APBB2: variants seen among roughly 807,000 people sequenced by gnomAD.
The protein encoded by APBB2 is Fe65-like 1.
A neutral mutation model predicts 82.5 loss-of-function variants in APBB2; 38 were observed. That is an observed-to-expected ratio of 0.46 (90% CI 0.36 to 0.60). APBB2 has a LOEUF of 0.60. Ranked by LOEUF, APBB2 falls within the 20% of genes least tolerant of loss-of-function variation. The pLI is 0.00. For synonymous variants in APBB2, 341 were observed against 368.2 expected (o/e 0.93, Z 0.85); for missense variants, 772 against 972.3 (o/e 0.79, Z 2.74).
intron 6 of APBB2, among the ~76,000 whole-genome samples, chr4:40,966,638 A>C (rs1041609657): frequency 6.6e-6 from 1 of 152,300 alleles, no homozygotes; most frequent in Middle Eastern, 3.4e-3. Flanking sequence ...GAGCCTGGGC[A>C]CTGTCACAAC....
At chr4:41,125,469 G>A (rs979411265) in intron 2 of APBB2, among the ~76,000 whole-genome samples, 1 of 152,036 alleles carries the variant, frequency 6.6e-6, no homozygotes, top group East Asian at 1.9e-4. Context: ...CAATCAAGAA[G>A]GAATTCAAGA....
intron 1 of APBB2, among the ~76,000 whole-genome samples, chr4:41,212,306 A>C (rs1333946307): frequency 2.6e-5 from 4 of 152,164 alleles, no homozygotes; most frequent in Non-Finnish European, 5.9e-5. Flanking sequence ...ACTCCAGCTA[A>C]GTGTAAACAC....
intron 3 of APBB2, among the ~76,000 whole-genome samples, chr4:41,077,819 C>T (rs1235463182): frequency 1.3e-5 from 2 of 152,130 alleles, no homozygotes; most frequent in African/African-American, 4.8e-5. Flanking sequence ...TTGCTAAGGA[C>T]AAATTCCAGG....
At chr4:41,039,819 G>C (rs1720640443) in intron 4 of APBB2, among the ~76,000 whole-genome samples, 1 of 141,672 alleles carries the variant, frequency 7.1e-6, no homozygotes, top group African/African-American at 2.7e-5. Context: ...GTGAAACAAG[G>C]TGTGAGACCT....
At chr4:41,141,279 C>T (rs2154020337) in intron 2 of APBB2, among the ~76,000 whole-genome samples, 1 of 152,132 alleles carries the variant, frequency 6.6e-6, no homozygotes, top group South Asian at 2.1e-4. Flanking sequence ...TGGGTTTAGG[C>T]ACTGCTGAAT....
intron 2 of APBB2, among the ~76,000 whole-genome samples, chr4:41,117,291 TATTA>T (rs1454669672): frequency 7.5e-6 from 1 of 133,274 alleles, no homozygotes; most frequent in Non-Finnish European, 1.6e-5. Flanking sequence ...TTATTATTAT[TATTA>T]TTTTTTTTTT....
chr4:41,081,429 T>C (rs1435141700), intron 3 of APBB2, among the ~76,000 whole-genome samples: 1 of 152,256 alleles, frequency 6.6e-6, no homozygotes, highest in African/African-American at 2.4e-5. Context: ...AAAAGCTGTT[T>C]CCAGAATACC....
intron 1 of APBB2, chr4:41,193,372 T>C (rs1281226243): frequency 6.5e-6 from 1 of 153,970 alleles, no homozygotes; most frequent in African/African-American, 2.4e-5. Flanking sequence ...AAGGAGGCAA[T>C]TACTATTTTC....
At position 41,014,265 on chromosome 4, in the gene APBB2, A is replaced by G. The variant is rs1196517059; in HGVS notation, c.153T>C (p.Ala51=). The G allele has an allele frequency of 6.2e-7, 1 of 1,614,064 alleles. No homozygotes were observed. Among genetic ancestry groups the G allele is most frequent in the Admixed American group, 1.7e-5 (1 of 60,016 alleles). ...TCTTGGTTTCTGTGTGTTTTATTTC[A>G]GCGTTCAACAGTTCATTGTGGGAGG... ...LRSSHNELLN[A]EIKHTETKNS... The change falls in exon 6 of 18, where the codon GCT becomes GCC. Residue 51 remains alanine (A), a synonymous_variant. Coordinates refer to ENST00000508593, the MANE Select transcript of APBB2 (RefSeq NM_004307.2).
At chr4:41,044,443 C>G (rs1469259299) in intron 4 of APBB2, among the ~76,000 whole-genome samples, 1 of 152,166 alleles carries the variant, frequency 6.6e-6, no homozygotes, top group Non-Finnish European at 1.5e-5. Context: ...TATTTATTAT[C>G]TTGAGATGTC....
At chr4:40,863,913 A>AAAAAAAAAAC (rs1440352855) in intron 12 of APBB2, among the ~76,000 whole-genome samples, 2 of 150,214 alleles carry the variant, frequency 1.3e-5, no homozygotes, top group Non-Finnish European at 3.0e-5. Flanking sequence ...AAAAAAAAAA[A>AAAAAAAAAAC]AAAGCAAGCC....
chr4:41,128,066 C>T lies in APBB2; in HGVS notation c.-261+14921G>A, dbSNP rs147303216. Among the ~76,000 whole-genome samples, 190 of 149,576 alleles carry T rather than the reference C, an allele frequency of 1.3e-3. 5 individuals are homozygous for T. The East Asian group carries it at 0.03, about 24-fold the overall frequency. ...CTGCACTCCGGCCTGGGTAACAGAG[C>T]GAGACTCCATCTCAGAAAAAAAAAG... On this transcript the variant is annotated intron_variant, in intron 2 of 17. Transcript: ENST00000508593.
intron 1 of APBB2, among the ~76,000 whole-genome samples, chr4:41,159,026 C>A (rs1262949957): frequency 6.6e-6 from 1 of 152,144 alleles, no homozygotes; most frequent in Admixed American, 6.5e-5. Flanking sequence ...GCTTTACACC[C>A]ACCCCACCTC....
intron 6 of APBB2, among the ~76,000 whole-genome samples, chr4:41,002,348 C>T (rs12500263): frequency 0.086 from 13,102 of 152,298 alleles, 714 homozygotes; most frequent in Admixed American, 0.15. Context: ...TTTTGCTTAA[C>T]AGTTCATGTC....
At chr4:40,888,257 A>G (rs893011668) in intron 12 of APBB2, among the ~76,000 whole-genome samples, 1 of 152,236 alleles carries the variant, frequency 6.6e-6, no homozygotes, top group African/African-American at 2.4e-5. Context: ...GAGAGAACTG[A>G]GGCTCAGAGA....
chr4:41,168,603 A>G (rs529144370), intron 1 of APBB2, among the ~76,000 whole-genome samples: 113 of 152,286 alleles, frequency 7.4e-4, no homozygotes, highest in African/African-American at 2.7e-3. Flanking sequence ...TTACAAAAGT[A>G]TTGGTCTGCA....
intron 12 of APBB2, chr4:40,848,899 A>G (rs1329413382): frequency 1.0e-5 from 10 of 985,270 alleles, no homozygotes; most frequent in African/African-American, 1.7e-5. Context: ...CATTGTCAAC[A>G]TTCACAGCCA....
chr4:40,851,109 A>C (rs1375127607), intron 12 of APBB2, among the ~76,000 whole-genome samples: 1 of 152,190 alleles, frequency 6.6e-6, no homozygotes, highest in Non-Finnish European at 1.5e-5. Flanking sequence ...TGTCAAAAAA[A>C]ACAATGAACA....
At chr4:40,974,850 G>T (rs191263213) in intron 6 of APBB2, among the ~76,000 whole-genome samples, 4 of 152,176 alleles carry the variant, frequency 2.6e-5, no homozygotes, top group Non-Finnish European at 5.9e-5. Context: ...TACAAATGCC[G>T]AGGGGCATGT....
Sources: allele counts gnomAD v4.1 joint callset (sites outside exome capture counted in the v4.1 genomes callset), GRCh38; gene constraint gnomAD v4.1.1; transcripts MANE v1.5; gene names NCBI Gene and HGNC (gene_info 2026-07-23, HGNC 2026-07-21).